The following CHRM3 variants were observed in gnomAD, a reference collection of about 807,000 sequenced individuals.
CHRM3 encodes cholinergic receptor muscarinic 3, also known as muscarinic acetylcholine receptor M3.
Under a neutral mutation model 41.8 loss-of-function variants are expected in CHRM3, and 11 were observed. The ratio of observed to expected loss-of-function variants is 0.26; its 90% confidence interval spans 0.17 to 0.44. The LOEUF (loss-of-function observed/expected upper bound fraction) is 0.44, where lower values mean the gene tolerates loss of function less well. Among genes scored for constraint, CHRM3 ranks in the 20% least tolerant of loss-of-function variants. The pLI, the probability that CHRM3 is intolerant of heterozygous loss-of-function variation, is 1.00. For synonymous variants in CHRM3, 297 were observed against 301.4 expected (o/e 0.99, Z 0.15); for missense variants, 571 against 745.4 (o/e 0.77, Z 2.72).
intron 1 of CHRM3, among the ~76,000 whole-genome samples, chr1:239,467,864 A>G (rs1665840222): frequency 6.6e-6 from 1 of 151,556 alleles, no homozygotes; most frequent in South Asian, 2.1e-4. Context: ...TCATCCTTAA[A>G]ATAGAATTCA....
intron 5 of CHRM3, among the ~76,000 whole-genome samples, chr1:239,815,693 G>T (rs1671519051): frequency 6.6e-6 from 1 of 152,168 alleles, no homozygotes; most frequent in Non-Finnish European, 1.5e-5. Context: ...CAACTCAAAT[G>T]CAAAACAAAA....
intron 5 of CHRM3, among the ~76,000 whole-genome samples, chr1:239,701,178 A>G (rs1172431690): frequency 6.6e-6 from 1 of 152,310 alleles, no homozygotes; most frequent in Middle Eastern, 3.4e-3. Context: ...GAACCTAAGC[A>G]TAGAACTCTG....
intron 6 of CHRM3, among the ~76,000 whole-genome samples, chr1:239,859,822 TATA>T (rs1558186171): frequency 2.1e-3 from 67 of 32,676 alleles, no homozygotes; most frequent in Middle Eastern, 0.02. Context: ...AAGTGTTTTA[TATA>T]TATATATATA....
At chr1:239,521,323 G>GACTA (rs1280177263) in intron 2 of CHRM3, among the ~76,000 whole-genome samples, 12 of 152,110 alleles carry the variant, frequency 7.9e-5, no homozygotes, top group Admixed American at 7.9e-4. Flanking sequence ...TAGACCTTTA[G>GACTA]AGTTATGGTT....
At chr1:239,578,922 A>G (rs1345080771) in intron 3 of CHRM3, among the ~76,000 whole-genome samples, 3 of 152,178 alleles carry the variant, frequency 2.0e-5, no homozygotes, top group African/African-American at 7.2e-5. Flanking sequence ...GCCCAAGTTC[A>G]GAAACTTGTA....
At chr1:239,766,525 A>G (rs1667221457) in intron 5 of CHRM3, among the ~76,000 whole-genome samples, 1 of 152,190 alleles carries the variant, frequency 6.6e-6, no homozygotes, top group Non-Finnish European at 1.5e-5. Flanking sequence ...TGAACTTAAA[A>G]TAAAAGCCCC....
Position 239,478,994 on chromosome 1 carries a change from C to T in CHRM3, c.-520-13715C>T, listed in dbSNP as rs543151105. On this transcript the variant is annotated intron_variant, in intron 1 of 6. Transcript: ENST00000676153. The stretch of plus-strand genomic sequence containing the variant: ...GCCTAGGCATTTGAGTTCAGCCTGA[C>T]GAACATGGGGAAACCCTGTCTCTAT... Among the ~76,000 whole-genome samples the T allele has an allele frequency of 9.8e-4, 149 of 152,124 alleles. 1 individual carries two copies. Among genetic ancestry groups the T allele is most frequent in the African/African-American group, 3.4e-3 (143 of 41,516 alleles).
rs544114420 is a variant in CHRM3, at chr1:239,437,903, G to A, written c.-521+50676G>A. On this transcript the variant is annotated intron_variant, in intron 1 of 6. Coordinates refer to ENST00000676153, the MANE Select transcript of CHRM3 (RefSeq NM_001375978.1). ...ACAAAAATGAGAAACACTTTTGCAT[G>A]ATTGTTGCAGATTTCTAAGGCCCTA... is the stretch of plus-strand genomic sequence containing the variant. Among the ~76,000 whole-genome samples the A allele has an allele frequency of 6.6e-5, 10 of 152,292 alleles. No individual in the cohort carries two copies. The South Asian group carries it at 2.1e-3, about 32-fold the overall frequency.
chr1:239,640,900 T>C (rs1465254973), intron 4 of CHRM3, among the ~76,000 whole-genome samples: 1 of 149,424 alleles, frequency 6.7e-6, no homozygotes, highest in East Asian at 2.0e-4. Context: ...CTTGTGGGCA[T>C]TTAGTGCTAT....
chr1:239,554,695 TATTGTA>T (rs1370414176), intron 3 of CHRM3, among the ~76,000 whole-genome samples: 4 of 151,794 alleles, frequency 2.6e-5, no homozygotes, highest in Non-Finnish European at 5.9e-5. Context: ...ATAAAATACC[TATTGTA>T]ATTTTAAATT....
intron 1 of CHRM3, among the ~76,000 whole-genome samples, chr1:239,403,914 A>T (rs1660190922): frequency 2.1e-5 from 3 of 140,580 alleles, no homozygotes. Context: ...AAATTTTAAG[A>T]TCCAACATTT....
chr1:239,660,715 T>C (rs763408446), intron 4 of CHRM3, among the ~76,000 whole-genome samples: 3 of 152,100 alleles, frequency 2.0e-5, no homozygotes, highest in Non-Finnish European at 4.4e-5. Context: ...AAACCCAGTC[T>C]CTACTAAAAA....
chr1:239,796,605 G>A (rs1028710079), intron 5 of CHRM3, among the ~76,000 whole-genome samples: 4 of 151,950 alleles, frequency 2.6e-5, no homozygotes, highest in Admixed American at 6.6e-5. Context: ...CAGAGCATTT[G>A]GCTGATCAGC....
intron 1 of CHRM3, among the ~76,000 whole-genome samples, chr1:239,427,018 G>C (rs1177917912): frequency 2.0e-5 from 3 of 152,108 alleles, no homozygotes; most frequent in Admixed American, 6.6e-5. Flanking sequence ...GTGAGTGAAG[G>C]AGGTGGGCTC....
intron 5 of CHRM3, among the ~76,000 whole-genome samples, chr1:239,820,583 T>TG (rs1467163961): frequency 6.6e-6 from 1 of 152,112 alleles, no homozygotes; most frequent in Non-Finnish European, 1.5e-5. Flanking sequence ...GAGATGTTGA[T>TG]GGGGGGAGAA....
chr1:239,798,511 A>G (rs938382697), intron 5 of CHRM3, among the ~76,000 whole-genome samples: 14 of 152,162 alleles, frequency 9.2e-5, no homozygotes, highest in African/African-American at 2.9e-4. Flanking sequence ...CACTCAATAA[A>G]TATGTGCTGA....
chr1:239,654,558 C>A (rs1272048521), intron 4 of CHRM3, among the ~76,000 whole-genome samples: 1 of 152,138 alleles, frequency 6.6e-6, no homozygotes, highest in African/African-American at 2.4e-5. Context: ...ACCACCCATC[C>A]TGGCTAATTT....
At chr1:239,862,988 T>C (rs922072534) in intron 6 of CHRM3, among the ~76,000 whole-genome samples, 4 of 152,208 alleles carry the variant, frequency 2.6e-5, no homozygotes, top group African/African-American at 9.6e-5. Context: ...GGATGTCAGA[T>C]TACAGAATCT....
intron 4 of CHRM3, among the ~76,000 whole-genome samples, chr1:239,643,001 C>A (rs12021521): frequency 0.26 from 40,044 of 152,114 alleles, 6,097 homozygotes; most frequent in East Asian, 0.65. Context: ...CCCTCAGCTG[C>A]AGGTCTGTTG....
Sources: gnomAD v4.1 joint callset for allele counts (sites outside exome capture counted in the v4.1 genomes callset) on GRCh38, gnomAD v4.1.1 for gene constraint, MANE v1.5 for transcripts, NCBI Gene and HGNC (gene_info 2026-07-23, HGNC 2026-07-21) for gene names.